Variants in RADIL observed in about 807,000 individuals in gnomAD.
RADIL encodes the protein Rap associating with DIL domain.
In RADIL, 99 loss-of-function variants were observed where a neutral mutation model predicts 97.6. That is an observed-to-expected ratio of 1.01 (90% CI 0.86 to 1.20). The LOEUF (loss-of-function observed/expected upper bound fraction) is 1.20. Among genes scored for constraint, RADIL ranks in the 50% most tolerant of loss-of-function variants. The pLI, the probability that RADIL is intolerant of heterozygous loss-of-function variation, is 0.00. For missense variants in RADIL, 1,765 were observed against 1,498.9 expected, an observed-to-expected ratio of 1.18 and a Z score of -2.93; for synonymous variants, 803 against 691.8, an observed-to-expected ratio of 1.16 and a Z score of -2.52.
In RADIL at chr7:4,883,222, C is replaced by T. The variant is rs1397909827; in HGVS notation, c.-65+374G>A. ...GCTGCGCGCCCCGGACGAAGCTCCC[C>T]CTCCAGGGCACAGCCGGGAAAACTG... On this transcript the variant is annotated intron_variant, in intron 1 of 14. Transcript: ENST00000399583. The surrounding 1 kb of genome is among the most constrained non-coding windows in gnomAD (Gnocchi z 7.1). 3.3e-5 allele frequency among the ~76,000 whole-genome samples: 5 copies of T among 150,218 alleles called. No homozygotes were observed. Among genetic ancestry groups the T allele is most frequent in the African/African-American group, 1.3e-4 (5 of 39,676 alleles).
Position 4,831,084 on chromosome 7 carries a change from A to G in RADIL, c.1454+1057T>C, listed in dbSNP as rs373137457. On this transcript the variant is annotated intron_variant, in intron 5 of 14. Transcript: ENST00000399583. ...TGCATGTCTGTAATCCCAGCTACTT[A>G]GAAGGCTGAGGCAGGAGAATCGCTC... Among the ~76,000 whole-genome samples, 27 of 151,728 alleles carry G rather than the reference A, an allele frequency of 1.8e-4. No homozygotes were observed. The South Asian group carries it at 5.6e-3, about 32-fold the overall frequency.
chr7:4,868,263 C>T (rs535256164), intron 2 of RADIL, among the ~76,000 whole-genome samples: 333 of 152,302 alleles, frequency 2.2e-3, no homozygotes, highest in African/African-American at 7.7e-3. Context: ...GGGGTTTCAC[C>T]GTGTTAGCCA....
chr7:4,838,141 T>A, intron 2 of RADIL: 1 of 840,128 alleles, frequency 1.2e-6, no homozygotes, highest in Non-Finnish European at 1.4e-6. Flanking sequence ...CCACCCGTGC[T>A]CCTGCCGCCT....
At chr7:4,858,677 T>C (rs149530992) in intron 2 of RADIL, 1 of 152,750 alleles carries the variant, frequency 6.5e-6, no homozygotes, top group African/African-American at 2.4e-5. Flanking sequence ...TATGCAGTGA[T>C]CAAATGGTCA....
intron 2 of RADIL, among the ~76,000 whole-genome samples, chr7:4,852,096 GTGAA>G (rs1327828410): frequency 6.6e-6 from 1 of 152,250 alleles, no homozygotes; most frequent in Admixed American, 6.5e-5. Context: ...GTCTACTGGA[GTGAA>G]TTCTCAGGAA....
intron 9 of RADIL, among the ~76,000 whole-genome samples, chr7:4,811,580 CG>C (rs1363349479): frequency 6.8e-6 from 1 of 147,562 alleles, no homozygotes; most frequent in Non-Finnish European, 1.5e-5. Context: ...CTCCGCCTCC[CG>C]GGTTCACGCC....
intron 9 of RADIL, among the ~76,000 whole-genome samples, chr7:4,808,231 C>G (rs1284406534): frequency 6.7e-6 from 1 of 150,282 alleles, no homozygotes; most frequent in African/African-American, 2.5e-5. Context: ...CGCCCCCTCT[C>G]TCTCCCCGCT....
intron 2 of RADIL, among the ~76,000 whole-genome samples, chr7:4,863,332 C>T (rs990591885): frequency 2.0e-5 from 3 of 152,260 alleles, no homozygotes; most frequent in Non-Finnish European, 4.4e-5. Flanking sequence ...ATTTAGTACT[C>T]TATAACTAAT....
chr7:4,868,426 C>A (rs959153526), intron 2 of RADIL, among the ~76,000 whole-genome samples: 2 of 152,180 alleles, frequency 1.3e-5, no homozygotes, highest in East Asian at 1.9e-4. Context: ...TAGCTATCAG[C>A]AACCCTCACA....
At position 4,800,156 on chromosome 7, in the gene RADIL, T is replaced by C; in HGVS notation, c.2982+15A>G. ...AGCCAGTATGGGGGTGCGGCGAGGGTCCTGGGCCACTCACCATCCCGTCGA... is the reference window on the plus strand; with the variant it reads ...AGCCAGTATGGGGGTGCGGCGAGGGCCCTGGGCCACTCACCATCCCGTCGA... On this transcript the variant is annotated intron_variant, in intron 13 of 14. Transcript: ENST00000399583. The C allele has an allele frequency of 6.3e-7, 1 of 1,588,378 alleles. No individual in the cohort carries two copies. Among genetic ancestry groups the C allele is most frequent in the Non-Finnish European group, 8.6e-7 (1 of 1,166,898 alleles).
intron 2 of RADIL, chr7:4,857,677 A>T (rs1375381200): frequency 6.5e-6 from 1 of 152,676 alleles, no homozygotes; most frequent in Non-Finnish European, 1.5e-5. Flanking sequence ...ATGTAAGTAC[A>T]TCTGAATTCA....
At chr7:4,865,460 C>G (rs1312792170) in intron 2 of RADIL, 2 of 757,558 alleles carry the variant, frequency 2.6e-6, no homozygotes, top group African/African-American at 1.7e-5. Context: ...CTTCTTTGTC[C>G]TGGTTAATCT....
At chr7:4,828,864 C>T (rs573948657) in intron 5 of RADIL, among the ~76,000 whole-genome samples, 24 of 152,334 alleles carry the variant, frequency 1.6e-4, no homozygotes, top group African/African-American at 3.8e-4. Flanking sequence ...CGGGCCTTCC[C>T]GTCAACGAGG....
intron 9 of RADIL, chr7:4,809,744 G>C: frequency 1.6e-6 from 1 of 612,470 alleles, no homozygotes; most frequent in African/African-American, 2.0e-5. Context: ...GTGCAGTGGC[G>C]TGATCTCGGC....
rs1349003034 is a variant in RADIL at position 4,872,834 on chromosome 7, C to T, written c.535+4771G>A. Among the ~76,000 whole-genome samples, 1 of 152,182 alleles carries T rather than the reference C, an allele frequency of 6.6e-6. No homozygotes were observed. The highest frequency in any genetic ancestry group is 1.5e-5 in the Non-Finnish European group (1 of 68,024). On this transcript the variant is annotated intron_variant, in intron 2 of 14. Transcript: ENST00000399583. The surrounding 1 kb of genome is among the most constrained non-coding windows in gnomAD (Gnocchi z 5.8). ...TGGCTGACACCTTCCCCACCAGACT[C>T]TGTAGGGGAGTCCGAGGTGAGGGGC...
At position 4,854,566 on chromosome 7, in the gene RADIL, C is replaced by T. The variant is rs1467637561; in HGVS notation, c.536-17961G>A. Among the ~76,000 whole-genome samples, 6 of 152,034 alleles carry T rather than the reference C, an allele frequency of 3.9e-5. No individual in the cohort carries two copies. Among genetic ancestry groups the T allele is most frequent in the Admixed American group, 2.6e-4 (4 of 15,244 alleles). On this transcript the variant is annotated intron_variant, in intron 2 of 14. Transcript: ENST00000399583. This position sits in a 1 kb window ranked among gnomAD's most constrained non-coding sequence, Gnocchi z 5.1. ...AAAATTAGCTGGGTATGTTGGCGGG[C>T]GCCTGTAATCCCAGCTACTCGGAAG...
chr7:4,881,396 C>T (rs35333480), intron 1 of RADIL, among the ~76,000 whole-genome samples: 8,394 of 124,356 alleles, frequency 0.067, 381 homozygotes, highest in African/African-American at 0.16. Flanking sequence ...GCCTGGGCGA[C>T]AGAGTGAGAC....
Position 4,803,636 on chromosome 7 carries a change from G to A in RADIL, c.2409C>T (p.Val803=). The change falls in exon 11 of 15, where the codon GTC becomes GTT. Residue 803 remains valine, a synonymous_variant. Transcript: ENST00000399583. ...DDSIYQHLLY[V]RHFLWGLRSR... ...TCCGCAGACCCCACAGAAAGTGGCGGACGTAGAGCAGGTGCTGGTAGATGC... is the reference window on the plus strand; with the variant it reads ...TCCGCAGACCCCACAGAAAGTGGCGAACGTAGAGCAGGTGCTGGTAGATGC... The A allele has an allele frequency of 6.5e-7, 1 of 1,550,180 alleles. No individual in the cohort carries two copies. Among genetic ancestry groups the A allele is most frequent in the East Asian group, 2.4e-5 (1 of 40,926 alleles).
intron 2 of RADIL, among the ~76,000 whole-genome samples, chr7:4,843,730 G>A (rs1253460414): frequency 6.6e-6 from 1 of 152,072 alleles, no homozygotes; most frequent in African/African-American, 2.4e-5. Flanking sequence ...TGGACAACAT[G>A]GGGAAACCCC....
Sources: allele counts gnomAD v4.1 joint callset (sites outside exome capture counted in the v4.1 genomes callset), GRCh38; gene constraint gnomAD v4.1.1; non-coding constraint Gnocchi (gnomAD v3.1); transcripts MANE v1.5; gene names NCBI Gene and HGNC (gene_info 2026-07-23, HGNC 2026-07-21).